The following RABGAP1L variants were observed in gnomAD, a reference collection of about 807,000 sequenced individuals.
RABGAP1L encodes RAB GTPase activating protein 1 like.
Under a neutral mutation model 137.7 loss-of-function variants are expected in RABGAP1L, and 63 were observed. The ratio of observed to expected loss-of-function variants is 0.46; its 90% CI spans 0.37 to 0.56. The LOEUF (loss-of-function observed/expected upper bound fraction) is 0.56. Among genes scored for constraint, RABGAP1L ranks in the 20% least tolerant of loss-of-function variants. The pLI is 0.00. For missense variants in RABGAP1L, 1,095 were observed against 1,244.0 expected (o/e 0.88, Z 1.80); for synonymous variants, 431 against 433.7 (o/e 0.99, Z 0.08).
chr1:174,683,962 C>G (rs954821181), intron 15 of RABGAP1L, among the ~76,000 whole-genome samples: 38 of 152,090 alleles, frequency 2.5e-4, no homozygotes, highest in African/African-American at 8.7e-4. Context: ...TTTATATATC[C>G]TCTTTCCTGT....
At chr1:174,255,707 G>A (rs956344826) in intron 7 of RABGAP1L, among the ~76,000 whole-genome samples, 2 of 152,100 alleles carry the variant, frequency 1.3e-5, no homozygotes, top group Admixed American at 6.5e-5. Flanking sequence ...TATATTTTTA[G>A]TAGTGATGGG....
At chr1:174,732,195 C>A (rs1302561644) in intron 17 of RABGAP1L, among the ~76,000 whole-genome samples, 2 of 87,914 alleles carry the variant, frequency 2.3e-5, no homozygotes, top group African/African-American at 1.8e-4. Flanking sequence ...GAGACCCCAT[C>A]CCCCCCAAAA....
intron 13 of RABGAP1L, chr1:174,548,210 A>G: frequency 7.0e-7 from 1 of 1,430,128 alleles, no homozygotes. Flanking sequence ...GGTAATTAAG[A>G]GAAAGCATAA....
chr1:174,954,173 G>T (rs1484348869), intron 19 of RABGAP1L: 1 of 152,142 alleles, frequency 6.6e-6, no homozygotes, highest in Non-Finnish European at 1.5e-5. Flanking sequence ...AATAACAAGA[G>T]TTTCATATCA....
chr1:174,526,706 T>C (rs943103540), intron 13 of RABGAP1L, among the ~76,000 whole-genome samples: 6 of 152,124 alleles, frequency 3.9e-5, no homozygotes, highest in Non-Finnish European at 8.8e-5. Flanking sequence ...TTTAAAAATT[T>C]GGGTCATTTC....
At chr1:174,533,844 G>A (rs1012600880) in intron 13 of RABGAP1L, among the ~76,000 whole-genome samples, 28 of 151,856 alleles carry the variant, frequency 1.8e-4, no homozygotes, top group Admixed American at 4.6e-4. Flanking sequence ...CAAATTTTTT[G>A]TATTTTTATT....
chr1:174,213,599 A>G (rs1233382563), intron 1 of RABGAP1L, among the ~76,000 whole-genome samples: 2 of 152,214 alleles, frequency 1.3e-5, no homozygotes, highest in Admixed American at 1.3e-4. Flanking sequence ...CAAACAAAAC[A>G]CAGGAACACA....
chr1:174,447,405 C>T (rs548507125), intron 13 of RABGAP1L, among the ~76,000 whole-genome samples: 1 of 152,136 alleles, frequency 6.6e-6, no homozygotes, highest in East Asian at 1.9e-4. Context: ...TTCAAATTAA[C>T]TTTGATAGAG....
chr1:174,489,013 C>CGGTGTTTGGTTTT (rs1558277045), intron 13 of RABGAP1L, among the ~76,000 whole-genome samples: 1 of 147,998 alleles, frequency 6.8e-6, no homozygotes, highest in East Asian at 2.0e-4. Flanking sequence ...TGAGAACATG[C>CGGTGTTTGGTTTT]GGTGTTTGGT....
intron 18 of RABGAP1L, among the ~76,000 whole-genome samples, chr1:174,810,971 G>C (rs560271420): frequency 1.4e-4 from 22 of 151,992 alleles, no homozygotes; most frequent in African/African-American, 5.3e-4. Flanking sequence ...GTGTGGTGGT[G>C]TGTGCCTGTA....
At chr1:174,946,936 ATATATGTGTG>A (rs1457625159) in intron 19 of RABGAP1L, among the ~76,000 whole-genome samples, 93 of 65,056 alleles carry the variant, frequency 1.4e-3, no homozygotes, top group Middle Eastern at 0.019. Context: ...ATATATATAT[ATATATGTGTG>A]TGTGTGTGTG....
At chr1:174,888,238 AAC>A (rs1381335282) in intron 19 of RABGAP1L, among the ~76,000 whole-genome samples, 5 of 152,176 alleles carry the variant, frequency 3.3e-5, no homozygotes, top group Admixed American at 1.3e-4. Flanking sequence ...AATCACAAAT[AAC>A]ACAGTGGATT....
chr1:174,203,100 A>AT (rs1304684468), intron 1 of RABGAP1L, among the ~76,000 whole-genome samples: 6 of 152,076 alleles, frequency 3.9e-5, no homozygotes, highest in Admixed American at 1.3e-4. Flanking sequence ...CCAGGGTGGT[A>AT]TTTTTTAGGT....
rs1392980876 is a variant in RABGAP1L, at chr1:174,655,748, T to G, written c.1824+18260T>G. The stretch of plus-strand genomic sequence containing the variant: ...ATGAATTCTCATTTTATTCAATGGA[T>G]TGTATTTCCTTGCTATCATTATTTG... On this transcript the variant is annotated intron_variant, in intron 14 of 25. Coordinates refer to ENST00000681986, the MANE Select transcript of RABGAP1L (RefSeq NM_001366446.1). 2.6e-5 allele frequency among the ~76,000 whole-genome samples: 4 copies of G among 152,214 alleles called. No individual in the cohort carries two copies. In the South Asian group the frequency reaches 6.2e-4, roughly 24 times the overall value.
chr1:174,778,161 A>G (rs1349234831), intron 18 of RABGAP1L, among the ~76,000 whole-genome samples: 11 of 152,216 alleles, frequency 7.2e-5, no homozygotes, highest in Non-Finnish European at 1.2e-4. Flanking sequence ...CTTAAAAAGC[A>G]TCCAAAGGAA....
At chr1:174,551,592 C>T (rs1666550071) in intron 13 of RABGAP1L, among the ~76,000 whole-genome samples, 1 of 152,014 alleles carries the variant, frequency 6.6e-6, no homozygotes, top group Non-Finnish European at 1.5e-5. Flanking sequence ...GTGTAAGTTT[C>T]TTTCTCAAGG....
rs953303493 is a variant in RABGAP1L, at chr1:174,875,441, C to A, written c.2340+63481C>A. ...GAACTGCGGTTATAACTCTTGTTTG[C>A]CCCTGGGTGGTTGCCAGCAGGGAGT... is the stretch of plus-strand genomic sequence containing the variant. On this transcript the variant is annotated intron_variant, in intron 19 of 25. Coordinates refer to ENST00000681986, the MANE Select transcript of RABGAP1L (RefSeq NM_001366446.1). 10 of 771,658 alleles carry A rather than the reference C, an allele frequency of 1.3e-5. No individual in the cohort carries two copies. The East Asian group carries it at 3.8e-4, about 30-fold the overall frequency. The allele number at this position is 771,658 out of a possible 1,614,324, so 47.8% of individuals were successfully genotyped here.
rs533741228 is a variant in RABGAP1L, at chr1:174,673,641, G to T, written c.1825-9881G>T. 2.6e-5 allele frequency among the ~76,000 whole-genome samples: 4 copies of T among 151,968 alleles called. No individual in the cohort carries two copies. The South Asian group carries it at 8.3e-4, about 32-fold the overall frequency. ...GGTCACAATTTTTTTTATTTTTCAG[G>T]CATAGAATTGGAAAAACATAACCAG... On this transcript the variant is annotated intron_variant, in intron 14 of 25. Coordinates refer to ENST00000681986, the MANE Select transcript of RABGAP1L (RefSeq NM_001366446.1).
intron 17 of RABGAP1L, among the ~76,000 whole-genome samples, chr1:174,718,403 T>C (rs1361133030): frequency 1.3e-5 from 2 of 152,150 alleles, no homozygotes; most frequent in Non-Finnish European, 2.9e-5. Flanking sequence ...CTTCTCTGCT[T>C]AGAGTTGTAT....
Sources: allele counts gnomAD v4.1 joint callset (sites outside exome capture counted in the v4.1 genomes callset), GRCh38; gene constraint gnomAD v4.1.1; transcripts MANE v1.5; gene names NCBI Gene and HGNC (gene_info 2026-07-23, HGNC 2026-07-21).